The following MGLL variants were observed in gnomAD, a reference collection of about 807,000 sequenced individuals.
MGLL encodes monoglyceride lipase, also known as lysophospholipase homolog.
Under a neutral mutation model 29.1 loss-of-function variants are expected in MGLL, and 7 were observed. The ratio of observed to expected loss-of-function variants is 0.24; its 90% CI spans 0.14 to 0.45. MGLL has a LOEUF of 0.45. MGLL is among the 20% of genes least tolerant of loss of function. The pLI, the probability that MGLL is intolerant of heterozygous loss-of-function variation, is 0.99. For synonymous variants in MGLL, 148 were observed against 168.3 expected (o/e 0.88, Z 0.93); for missense variants, 356 against 413.6 (o/e 0.86, Z 1.21).
intron 3 of MGLL, among the ~76,000 whole-genome samples, chr3:127,769,378 A>T (rs1461415219): frequency 6.6e-6 from 1 of 151,372 alleles, no homozygotes; most frequent in African/African-American, 2.4e-5. Context: ...AAAGAATTGG[A>T]TTGTCTTTGA....
Position 127,795,821 on chromosome 3 carries a change from A to G in MGLL, c.156-13926T>C, listed in dbSNP as rs1195229032. Among the ~76,000 whole-genome samples, 4 of 152,380 alleles carry G rather than the reference A, an allele frequency of 2.6e-5. No homozygotes were observed. In the South Asian group the frequency reaches 6.2e-4, roughly 24 times the overall value. Reference sequence around the variant, plus strand: ...GGAATATGGGTCATTGCACAAAAATAGAAAAATATAGATGAGCATGAAGGA... The same window carrying G: ...GGAATATGGGTCATTGCACAAAAATGGAAAAATATAGATGAGCATGAAGGA... On this transcript the variant is annotated intron_variant, in intron 2 of 7. Transcript: ENST00000265052.
chr3:127,772,746 G>A (rs1418794216), intron 3 of MGLL, among the ~76,000 whole-genome samples: 1 of 152,184 alleles, frequency 6.6e-6, no homozygotes, highest in Non-Finnish European at 1.5e-5. Flanking sequence ...CAACCCCAAA[G>A]GTGATGGTGT....
chr3:127,748,309 T>A lies in MGLL; in HGVS notation c.263-25743A>T, dbSNP rs1264638757. 4.6e-5 allele frequency among the ~76,000 whole-genome samples: 7 copies of A among 151,748 alleles called. No homozygotes were observed. The East Asian group carries it at 1.4e-3, about 29-fold the overall frequency. On this transcript the variant is annotated intron_variant, in intron 3 of 7. Transcript: ENST00000265052. ...CTCAACTGAGGGTTACGCATCGCAG[T>A]CTGTTGACATTGTTCCATCCTTGAT...
In MGLL at chr3:127,692,260, G is replaced by A. The variant is rs763160090; in HGVS notation, c.880C>T (p.His294Tyr). The A allele has an allele frequency of 2.5e-6, 4 of 1,614,036 alleles. No homozygotes were observed. In the South Asian group the frequency reaches 4.4e-5, roughly 18 times the overall value. Residue 294 changes from histidine (H) to tyrosine (Y), a missense_variant, in exon 8 of 8, where the codon CAT becomes TAT. By Grantham distance (83) the His-to-Tyr change is moderately conservative. Transcript: ENST00000265052. ...ELPEVTNSVF[H>Y]EINMWVSQRT... is the part of the protein sequence containing the mutation. ...TGAGAGACCCACATGTTTATTTCAT[G>A]GAAGACGGAGTTGGTGACTTCAGGA...
chr3:127,772,029 C>T (rs990220755), intron 3 of MGLL, among the ~76,000 whole-genome samples: 4 of 152,170 alleles, frequency 2.6e-5, no homozygotes, highest in African/African-American at 9.7e-5. Flanking sequence ...CACTTTCCTA[C>T]CGTCCCTCAA....
At chr3:127,699,714 C>G (rs554650223) in intron 6 of MGLL, among the ~76,000 whole-genome samples, 2 of 152,328 alleles carry the variant, frequency 1.3e-5, no homozygotes, top group South Asian at 2.1e-4. Context: ...GGGGCATAGA[C>G]AGCCAGGAGC....
rs60128956 is a variant in MGLL, at chr3:127,701,215, CAAAAAAAA to C, written c.601-6033_601-6026del. On this transcript the variant is annotated intron_variant, in intron 6 of 7. Coordinates refer to ENST00000265052, the MANE Select transcript of MGLL (RefSeq NM_007283.7). ...GGGCAAGAGAGCGAGACCCTGCCTC[CAAAAAAAA>C]AAAAAAAAAAGCCACCACCAACAAC... 7.1e-5 allele frequency among the ~76,000 whole-genome samples: 4 copies of C among 56,442 alleles called. No individual in the cohort carries two copies. The East Asian group carries it at 2.4e-3, about 33-fold the overall frequency. 37.0% of individuals were successfully genotyped at this position (56,442 alleles called of 152,430 possible). A position where few individuals can be genotyped will look rare whatever the true frequency, so the allele number is the denominator to read the frequency against.
intron 2 of MGLL, among the ~76,000 whole-genome samples, chr3:127,796,703 G>A (rs752140527): frequency 3.9e-5 from 6 of 152,144 alleles, no homozygotes; most frequent in Non-Finnish European, 5.9e-5. Context: ...GTTTAGAATC[G>A]TGCACTCTTC....
At chr3:127,777,649 TACAGATGGAACCCTG>T (rs2077057316) in intron 3 of MGLL, among the ~76,000 whole-genome samples, 1 of 152,180 alleles carries the variant, frequency 6.6e-6, no homozygotes, top group Non-Finnish European at 1.5e-5. Context: ...CTGAGCAAAC[TACAGATGGAACCCTG>T]GGCACTGATG....
chr3:127,768,703 C>G (rs188334174), intron 3 of MGLL, among the ~76,000 whole-genome samples: 1 of 152,314 alleles, frequency 6.6e-6, no homozygotes, highest in African/African-American at 2.4e-5. Flanking sequence ...CTCTCTTCTT[C>G]CTACTGAAGC....
At chr3:127,711,787 A>C (rs1398678513) in intron 5 of MGLL, 2 of 150,208 alleles carry the variant, frequency 1.3e-5, no homozygotes, top group Non-Finnish European at 3.0e-5. Flanking sequence ...GCAGTGGCGC[A>C]ATCTCGGCTC....
At chr3:127,766,892 G>A (rs570440641) in intron 3 of MGLL, among the ~76,000 whole-genome samples, 53 of 152,160 alleles carry the variant, frequency 3.5e-4, no homozygotes, top group Non-Finnish European at 1.6e-4. Context: ...CCAACATGGC[G>A]AAACCACATC....
intron 6 of MGLL, among the ~76,000 whole-genome samples, chr3:127,696,392 G>GCTT (rs1169087864): frequency 8.9e-5 from 9 of 100,616 alleles, no homozygotes; most frequent in Admixed American, 5.6e-4. Context: ...AGCCCCTGAT[G>GCTT]CTTCTTTTTT....
intron 3 of MGLL, among the ~76,000 whole-genome samples, chr3:127,771,621 G>A (rs2076950093): frequency 6.6e-6 from 1 of 152,142 alleles, no homozygotes; most frequent in East Asian, 1.9e-4. Context: ...CTCCCAAGGT[G>A]CTGGGATTAC....
chr3:127,820,960 G>A (rs541152139), intron 2 of MGLL, among the ~76,000 whole-genome samples: 2 of 152,324 alleles, frequency 1.3e-5, no homozygotes, highest in East Asian at 3.9e-4. Flanking sequence ...ACCACACAAT[G>A]ATCCCTAGGA....
At chr3:127,703,464 C>G (rs921487148) in intron 6 of MGLL, among the ~76,000 whole-genome samples, 1 of 152,236 alleles carries the variant, frequency 6.6e-6, no homozygotes, top group African/African-American at 2.4e-5. Context: ...ATGACTGTTA[C>G]TTTTCCTAAA....
rs138122374 is a variant in MGLL at position 127,695,133 on chromosome 3, C to T, written c.658G>A (p.Gly220Ser). 1,668 of 1,614,136 alleles carry T rather than the reference C, an allele frequency of 1.0e-3. 13 individuals carry two copies. The East Asian group carries it at 0.011, about 10-fold the overall frequency. The change falls in exon 7 of 8, where the codon GGC (glycine) becomes AGC (serine). Residue 220 changes from glycine to serine, a missense_variant. Physicochemically the swap from Gly to Ser is moderately conservative, Grantham distance 56 (BLOSUM62 0). Coordinates refer to ENST00000265052, the MANE Select transcript of MGLL (RefSeq NM_007283.7). ...GAGACGGCATTCAGCAGTTGGATGCCGAAGCACACCTTCAGCCCTGCCCGG... is the reference window on the plus strand; with the variant it reads ...GAGACGGCATTCAGCAGTTGGATGCTGAAGCACACCTTCAGCCCTGCCCGG... Reference protein sequence around the residue: ...ICRAGLKVCFGIQLLNAVSRV... With the variant: ...ICRAGLKVCFSIQLLNAVSRV...
At chr3:127,732,908 G>T (rs569840098) in intron 3 of MGLL, among the ~76,000 whole-genome samples, 1 of 152,262 alleles carries the variant, frequency 6.6e-6, no homozygotes, top group Admixed American at 6.5e-5. Context: ...TCCAGCCCAG[G>T]GCTGTCTGAG....
At chr3:127,803,346 C>A (rs1316857604) in intron 2 of MGLL, among the ~76,000 whole-genome samples, 1 of 152,134 alleles carries the variant, frequency 6.6e-6, no homozygotes, top group Non-Finnish European at 1.5e-5. Context: ...GCAGTGGGCA[C>A]CCACCTCCAG....
Sources: allele counts gnomAD v4.1 joint callset (sites outside exome capture counted in the v4.1 genomes callset), GRCh38; gene constraint gnomAD v4.1.1; transcripts MANE v1.5; gene names NCBI Gene and HGNC (gene_info 2026-07-23, HGNC 2026-07-21).